Variants in EPB41L4A observed in about 807,000 individuals in gnomAD.
The protein encoded by EPB41L4A is band 4.1-like protein 4A.
A neutral mutation model predicts 108.6 loss-of-function variants in EPB41L4A; 100 were observed. The ratio of observed to expected loss-of-function variants is 0.92; its 90% CI spans 0.78 to 1.09. The LOEUF (loss-of-function observed/expected upper bound fraction) is 1.09, where lower values mean the gene tolerates loss of function less well. Ranked by LOEUF, EPB41L4A falls within the 50% of genes least tolerant of loss-of-function variation. The pLI is 0.00. For missense variants in EPB41L4A, 1,030 were observed against 842.7 expected, an observed-to-expected ratio of 1.22 and a Z score of -2.75; for synonymous variants, 319 against 289.0, an observed-to-expected ratio of 1.10 and a Z score of -1.05.
chr5:112,223,096 T>C (rs1561488076), intron 12 of EPB41L4A, among the ~76,000 whole-genome samples: 1 of 151,962 alleles, frequency 6.6e-6, no homozygotes, highest in Non-Finnish European at 1.5e-5. Flanking sequence ...ACACCAACCA[T>C]GTCCAGCTAG....
intron 2 of EPB41L4A, among the ~76,000 whole-genome samples, chr5:112,281,969 T>C (rs746611090): frequency 3.9e-4 from 60 of 152,106 alleles, no homozygotes; most frequent in Non-Finnish European, 6.6e-4. Flanking sequence ...AAAAGTAGAG[T>C]AACCAACATA....
chr5:112,170,704 T>G (rs1037921081), intron 19 of EPB41L4A, among the ~76,000 whole-genome samples: 1 of 152,180 alleles, frequency 6.6e-6, no homozygotes, highest in African/African-American at 2.4e-5. Flanking sequence ...TTGGCCTGTC[T>G]GAGGTCCATT....
At chr5:112,262,031 A>G (rs2150444401) in intron 7 of EPB41L4A, among the ~76,000 whole-genome samples, 1 of 151,790 alleles carries the variant, frequency 6.6e-6, no homozygotes, top group Middle Eastern at 3.4e-3. Context: ...GGCTGGGATT[A>G]CAGGCGCCCG....
At chr5:112,222,189 T>C (rs747229058) in intron 12 of EPB41L4A, among the ~76,000 whole-genome samples, 10 of 152,238 alleles carry the variant, frequency 6.6e-5, no homozygotes, top group Non-Finnish European at 1.5e-4. Context: ...TCAAGAGTAT[T>C]TGTTGAAAAC....
At chr5:112,261,948 G>A (rs1008718237) in intron 7 of EPB41L4A, among the ~76,000 whole-genome samples, 1 of 147,434 alleles carries the variant, frequency 6.8e-6, no homozygotes, top group Non-Finnish European at 1.5e-5. Flanking sequence ...GAGTGCAGTG[G>A]CACGATCTCG....
chr5:112,416,896 G>A (rs10071862), intron 1 of EPB41L4A, among the ~76,000 whole-genome samples: 21,719 of 152,132 alleles, frequency 0.14, 4,309 homozygotes, highest in African/African-American at 0.44. Context: ...CGCCAAGGGT[G>A]GGTAGGTGTT....
chr5:112,366,524 G>A (rs765801139), intron 1 of EPB41L4A, among the ~76,000 whole-genome samples: 1 of 152,040 alleles, frequency 6.6e-6, no homozygotes, highest in Non-Finnish European at 1.5e-5. Context: ...TCAGAATCCA[G>A]GGAGACCAGT....
chr5:112,351,867 C>A (rs926208790), intron 1 of EPB41L4A, among the ~76,000 whole-genome samples: 1 of 152,142 alleles, frequency 6.6e-6, no homozygotes, highest in Non-Finnish European at 1.5e-5. Context: ...AAATGTGATA[C>A]GTTCCATCAA....
At position 112,280,427 on chromosome 5, in the gene EPB41L4A, G is replaced by C. The variant is rs773907371; in HGVS notation, c.205-104C>G. The stretch of plus-strand genomic sequence containing the variant: ...TTATTTAAACAACATTTTAAAACTT[G>C]GTCAGTTAAACACTTCTCTCATATA... On this transcript the variant is annotated intron_variant, in intron 2 of 22. Coordinates refer to ENST00000261486, the MANE Select transcript of EPB41L4A (RefSeq NM_022140.5). 3.7e-6 allele frequency: 4 copies of C among 1,087,182 alleles called. No homozygotes were observed. In the African/African-American group the frequency reaches 6.2e-5, roughly 17 times the overall value. 67.3% of individuals were successfully genotyped at this position (1,087,182 alleles called of 1,614,324 possible).
At chr5:112,415,790 C>T (rs1029419772) in intron 1 of EPB41L4A, among the ~76,000 whole-genome samples, 42 of 152,108 alleles carry the variant, frequency 2.8e-4, no homozygotes, top group African/African-American at 1.0e-3. Flanking sequence ...GGGCTCAACA[C>T]ACAACCAATA....
At chr5:112,248,990 C>G (rs1750443643) in intron 9 of EPB41L4A, 1 of 152,164 alleles carries the variant, frequency 6.6e-6, no homozygotes, top group African/African-American at 2.4e-5. Context: ...GAATACCTTT[C>G]TTAATCCCAT....
intron 12 of EPB41L4A, among the ~76,000 whole-genome samples, chr5:112,224,405 A>C (rs1012223369): frequency 6.6e-6 from 1 of 151,938 alleles, no homozygotes; most frequent in Non-Finnish European, 1.5e-5. Flanking sequence ...TAAAAAAAAA[A>C]CTTTCTAAAA....
chr5:112,189,586 T>A (rs1052485839), intron 17 of EPB41L4A, among the ~76,000 whole-genome samples: 1 of 152,180 alleles, frequency 6.6e-6, no homozygotes, highest in African/African-American at 2.4e-5. Flanking sequence ...CTGTTGTCAA[T>A]TTCCTCTAGT....
At chr5:112,183,649 G>A (rs190796750) in intron 18 of EPB41L4A, among the ~76,000 whole-genome samples, 2 of 152,284 alleles carry the variant, frequency 1.3e-5, no homozygotes, top group Admixed American at 1.3e-4. Context: ...GGTTCAGTCT[G>A]GAACAAGACT....
intron 3 of EPB41L4A, among the ~76,000 whole-genome samples, chr5:112,276,871 C>T (rs1411612187): frequency 2.0e-5 from 3 of 152,166 alleles, no homozygotes; most frequent in African/African-American, 4.8e-5. Context: ...CCTGCCCCTC[C>T]CCTCATCTGT....
intron 9 of EPB41L4A, among the ~76,000 whole-genome samples, chr5:112,251,712 G>A (rs1165939724): frequency 6.6e-6 from 1 of 152,132 alleles, no homozygotes; most frequent in African/African-American, 2.4e-5. Flanking sequence ...TTTGATTTTT[G>A]AAAGCAAGTT....
chr5:112,276,875 C>T (rs1017594272), intron 3 of EPB41L4A, among the ~76,000 whole-genome samples: 3 of 152,316 alleles, frequency 2.0e-5, no homozygotes, highest in Admixed American at 2.0e-4. Flanking sequence ...CCCCTCCCCT[C>T]ATCTGTGCCT....
At chr5:112,373,279 C>T (rs527746925) in intron 1 of EPB41L4A, among the ~76,000 whole-genome samples, 134 of 152,264 alleles carry the variant, frequency 8.8e-4, no homozygotes, top group Non-Finnish European at 1.4e-3. Context: ...CTGACAGAAC[C>T]GGAAGTTGCT....
intron 12 of EPB41L4A, among the ~76,000 whole-genome samples, chr5:112,212,873 A>G (rs1474449899): frequency 6.6e-6 from 1 of 152,192 alleles, no homozygotes; most frequent in Non-Finnish European, 1.5e-5. Flanking sequence ...CATTCTCTTT[A>G]GACTGACTAC....
Sources: gnomAD v4.1 joint callset for allele counts (sites outside exome capture counted in the v4.1 genomes callset) on GRCh38, gnomAD v4.1.1 for gene constraint, MANE v1.5 for transcripts, NCBI Gene and HGNC (gene_info 2026-07-23, HGNC 2026-07-21) for gene names.